COL24A1: variants seen among roughly 807,000 people sequenced by gnomAD.
COL24A1 encodes the protein collagen type XXIV alpha 1 chain, also known as collagen alpha-1(XXIV) chain.
COL24A1 carries 224 observed loss-of-function variants against 253.9 expected under a neutral mutation model. The ratio of observed to expected loss-of-function variants is 0.88; its 90% confidence interval spans 0.79 to 0.99. COL24A1 has a LOEUF of 0.99. Ranked by LOEUF, COL24A1 falls within the 50% of genes least tolerant of loss-of-function variation. The pLI, the probability that COL24A1 is intolerant of heterozygous loss-of-function variation, is 0.00. For missense variants in COL24A1, 2,131 were observed against 2,068.5 expected, an observed-to-expected ratio of 1.03 and a Z score of -0.59; for synonymous variants, 685 against 673.7, an observed-to-expected ratio of 1.02 and a Z score of -0.26.
intron 7 of COL24A1, among the ~76,000 whole-genome samples, chr1:86,075,217 C>G (rs1049149567): frequency 3.3e-5 from 5 of 152,088 alleles, no homozygotes; most frequent in African/African-American, 1.2e-4. Context: ...GATATCATCA[C>G]CGATCCCACA....
At chr1:85,995,096 T>A (rs1398358853) in intron 19 of COL24A1, among the ~76,000 whole-genome samples, 1 of 152,210 alleles carries the variant, frequency 6.6e-6, no homozygotes, top group Non-Finnish European at 1.5e-5. Context: ...ATAAAATTCC[T>A]TATGACAAAA....
chr1:85,819,690 A>G (rs1219516576), intron 45 of COL24A1, among the ~76,000 whole-genome samples: 1 of 152,136 alleles, frequency 6.6e-6, no homozygotes, highest in Non-Finnish European at 1.5e-5. Flanking sequence ...AATAATAATA[A>G]TGTAACAAAG....
chr1:86,151,186 C>T (rs530631829), intron 1 of COL24A1, among the ~76,000 whole-genome samples: 225 of 152,124 alleles, frequency 1.5e-3, no homozygotes, highest in African/African-American at 4.9e-3. Flanking sequence ...TGGTCCAATA[C>T]TATTTAAGTA....
At chr1:85,972,363 TTTCTATAC>T (rs1692253286) in intron 20 of COL24A1, among the ~76,000 whole-genome samples, 1 of 151,614 alleles carries the variant, frequency 6.6e-6, no homozygotes, top group African/African-American at 2.4e-5. Flanking sequence ...TGCTCTATAC[TTTCTATAC>T]TTTAACACAA....
At chr1:85,732,976 G>T (rs1426902717) in intron 59 of COL24A1, among the ~76,000 whole-genome samples, 2 of 152,192 alleles carry the variant, frequency 1.3e-5, no homozygotes, top group Non-Finnish European at 2.9e-5. Context: ...TCTGGTTGTT[G>T]TAAGCACTCA....
At chr1:85,833,558 C>T (rs953280380) in intron 43 of COL24A1, among the ~76,000 whole-genome samples, 5 of 152,034 alleles carry the variant, frequency 3.3e-5, no homozygotes, top group South Asian at 2.1e-4. Flanking sequence ...GTCAGTGTGG[C>T]GATTCCTCAG....
rs562127592 is a variant in COL24A1, at chr1:85,902,750, G to T, written c.2778+4444C>A. Among the ~76,000 whole-genome samples, 5 of 152,124 alleles carry T rather than the reference G, an allele frequency of 3.3e-5. No individual in the cohort carries two copies. The South Asian group carries it at 6.2e-4, about 19-fold the overall frequency. Reference sequence around the variant, plus strand: ...AGTAGGACGATAAATACCAAAGGCTGGGAAGGGTGTATGGATGGGAGAGGG... The same window carrying T: ...AGTAGGACGATAAATACCAAAGGCTTGGAAGGGTGTATGGATGGGAGAGGG... On this transcript the variant is annotated intron_variant, in intron 28 of 59. Transcript: ENST00000370571.
At chr1:86,132,483 G>A (rs1649417278) in intron 2 of COL24A1, among the ~76,000 whole-genome samples, 1 of 152,002 alleles carries the variant, frequency 6.6e-6, no homozygotes, top group Non-Finnish European at 1.5e-5. Context: ...TTCTTCTAGG[G>A]TTTTTATGGT....
intron 57 of COL24A1, among the ~76,000 whole-genome samples, chr1:85,744,350 T>C (rs923152000): frequency 2.0e-5 from 3 of 152,114 alleles, no homozygotes; most frequent in Non-Finnish European, 4.4e-5. Flanking sequence ...TTGCTAACTT[T>C]TGTAGTCCTG....
chr1:85,861,101 G>A (rs987330762), intron 37 of COL24A1, among the ~76,000 whole-genome samples: 3 of 152,142 alleles, frequency 2.0e-5, no homozygotes, highest in African/African-American at 7.2e-5. Context: ...AGAAACTGCA[G>A]ATTTTATATC....
At chr1:85,884,705 G>T (rs189478338) in intron 32 of COL24A1, among the ~76,000 whole-genome samples, 113 of 152,286 alleles carry the variant, frequency 7.4e-4, no homozygotes, top group African/African-American at 2.6e-3. Context: ...AGGTCAGTTA[G>T]TCTTTGGTAA....
At chr1:85,794,408 TAAG>T (rs1390444047) in intron 47 of COL24A1, among the ~76,000 whole-genome samples, 1 of 152,150 alleles carries the variant, frequency 6.6e-6, no homozygotes, top group African/African-American at 2.4e-5. Context: ...CTGAGAATAA[TAAG>T]GAGCACAAAA....
chr1:86,003,515 A>C (rs1159191625), intron 19 of COL24A1, among the ~76,000 whole-genome samples: 1 of 152,122 alleles, frequency 6.6e-6, no homozygotes, highest in Non-Finnish European at 1.5e-5. Context: ...TAGCTGGAGG[A>C]GGAGAAAAAG....
At chr1:86,142,188 G>A (rs1292239809) in intron 2 of COL24A1, among the ~76,000 whole-genome samples, 56 of 141,756 alleles carry the variant, frequency 4.0e-4, no homozygotes, top group Non-Finnish European at 1.2e-4. Context: ...AGAACAGGAT[G>A]AAAAAAAAAA....
At chr1:85,733,717 T>C (rs1663749176) in intron 59 of COL24A1, among the ~76,000 whole-genome samples, 1 of 151,632 alleles carries the variant, frequency 6.6e-6, no homozygotes, top group African/African-American at 2.4e-5. Flanking sequence ...GTAGCTGGGA[T>C]TATTGGCGTG....
At chr1:86,035,698 AC>A (rs1408828347) in intron 12 of COL24A1, among the ~76,000 whole-genome samples, 1 of 152,132 alleles carries the variant, frequency 6.6e-6, no homozygotes, top group Non-Finnish European at 1.5e-5. Context: ...CAAATTATAT[AC>A]TTTAAAGGTG....
chr1:85,839,311 G>GA (rs1187249292), intron 42 of COL24A1, among the ~76,000 whole-genome samples: 1 of 152,084 alleles, frequency 6.6e-6, no homozygotes, highest in Non-Finnish European at 1.5e-5. Flanking sequence ...TAAAATGATT[G>GA]AAAAAGATTT....
intron 19 of COL24A1, among the ~76,000 whole-genome samples, chr1:86,003,857 G>C (rs1354337098): frequency 1.3e-5 from 2 of 152,126 alleles, no homozygotes; most frequent in African/African-American, 4.8e-5. Context: ...AGTATAAAGA[G>C]TTCGCCCTCA....
chr1:85,858,625 T>TCCTTCTCCC (rs1558416375), intron 37 of COL24A1, among the ~76,000 whole-genome samples: 1 of 50,090 alleles, frequency 2.0e-5, no homozygotes, highest in Non-Finnish European at 4.2e-5. Context: ...TTCTCCCTCC[T>TCCTTCTCCC]TCCTTCCTTC....
Sources: gnomAD v4.1 joint callset for allele counts (sites outside exome capture counted in the v4.1 genomes callset) on GRCh38, gnomAD v4.1.1 for gene constraint, MANE v1.5 for transcripts, NCBI Gene and HGNC (gene_info 2026-07-23, HGNC 2026-07-21) for gene names.